PLEKHA6: variants seen among roughly 807,000 people sequenced by gnomAD.
The protein encoded by PLEKHA6 is pleckstrin homology domain containing A6, also known as pleckstrin homology domain-containing family A member 6.
PLEKHA6 carries 60 observed loss-of-function variants against 116.7 expected under a neutral mutation model. That is an observed-to-expected ratio of 0.51 (90% CI 0.42 to 0.64). PLEKHA6 has a LOEUF of 0.64. PLEKHA6 is among the 30% of genes least tolerant of loss of function. The probability of loss-of-function intolerance (pLI) is 0.00; values close to 1 mark genes in which losing one functional copy is unlikely to be tolerated. For synonymous variants in PLEKHA6, 489 were observed against 556.1 expected, an observed-to-expected ratio of 0.88 and a Z score of 1.70; for missense variants, 1,338 against 1,422.7, an observed-to-expected ratio of 0.94 and a Z score of 0.96.
intron 1 of PLEKHA6, among the ~76,000 whole-genome samples, chr1:204,328,465 C>T (rs575689759): frequency 5.9e-5 from 9 of 151,716 alleles, no homozygotes; most frequent in African/African-American, 1.9e-4. Context: ...GGCACCATCT[C>T]GGCTCACTGC....
chr1:204,322,491 C>G (rs1346818423), intron 1 of PLEKHA6, among the ~76,000 whole-genome samples: 1 of 152,204 alleles, frequency 6.6e-6, no homozygotes, highest in African/African-American at 2.4e-5. Flanking sequence ...TGGGGTCGCA[C>G]AGCAGGCTGC....
chr1:204,234,980 A>C (rs1558031092), intron 17 of PLEKHA6, among the ~76,000 whole-genome samples: 1 of 33,910 alleles, frequency 2.9e-5, no homozygotes, highest in African/African-American at 5.7e-5. Context: ...ATATATATAT[A>C]TATATATATA....
At chr1:204,308,545 G>A (rs1671492605) in intron 1 of PLEKHA6, among the ~76,000 whole-genome samples, 5 of 152,056 alleles carry the variant, frequency 3.3e-5, no homozygotes, top group Admixed American at 3.3e-4. Context: ...TCTGTAAAAT[G>A]AGGCTAAGGA....
upstream of PLEKHA6, among the ~76,000 whole-genome samples, chr1:204,361,305 A>G (rs1000312702): frequency 2.0e-5 from 3 of 152,168 alleles, no homozygotes; most frequent in Admixed American, 6.5e-5. Context: ...ATTTTTACCA[A>G]CTGAAGCCCT....
chr1:204,236,930 A>C (rs2102507300), intron 17 of PLEKHA6, among the ~76,000 whole-genome samples: 1 of 152,350 alleles, frequency 6.6e-6, no homozygotes, highest in South Asian at 2.1e-4. Context: ...GAAGGACCCC[A>C]CTATATTACC....
chr1:204,299,631 T>C, intron 1 of PLEKHA6: 1 of 985,304 alleles, frequency 1.0e-6, no homozygotes. Context: ...TCTCCTGCAC[T>C]TTCCAAAGCA....
In PLEKHA6 at chr1:204,251,008, G is replaced by A. The variant is rs143508332; in HGVS notation, c.1525-394C>T. On this transcript the variant is annotated intron_variant, in intron 9 of 22. Transcript: ENST00000272203. ...GGGGTTAAGACATAGGGGAATGGTCGGAATGAGCATTGGGAACAGTTGAAA... is the reference window on the plus strand; with the variant it reads ...GGGGTTAAGACATAGGGGAATGGTCAGAATGAGCATTGGGAACAGTTGAAA... 2.3e-3 allele frequency among the ~76,000 whole-genome samples: 353 copies of A among 152,306 alleles called. 1 individual carries two copies. The highest frequency in any genetic ancestry group is 4.1e-3 in the Non-Finnish European group (276 of 68,034).
At chr1:204,240,061 C>T (rs1021425438) in intron 17 of PLEKHA6, among the ~76,000 whole-genome samples, 8 of 152,190 alleles carry the variant, frequency 5.3e-5, no homozygotes, top group Non-Finnish European at 1.0e-4. Context: ...TTTAAATCAA[C>T]AGGCTAAGAA....
intron 12 of PLEKHA6, among the ~76,000 whole-genome samples, chr1:204,248,482 T>G (rs1259008142): frequency 6.6e-6 from 1 of 152,152 alleles, no homozygotes; most frequent in Non-Finnish European, 1.5e-5. Context: ...AGTGCTTTGC[T>G]TCTCCGAGGG....
intron 1 of PLEKHA6, among the ~76,000 whole-genome samples, chr1:204,352,564 TG>T (rs1328370425): frequency 1.3e-5 from 2 of 152,186 alleles, no homozygotes; most frequent in African/African-American, 4.8e-5. Context: ...GTTTCTGCCT[TG>T]GGGAACCTCC....
chr1:204,230,567 A>G lies in PLEKHA6; in HGVS notation c.2429T>C (p.Val810Ala). 6.2e-7 allele frequency: 1 copy of G among 1,605,042 alleles called. No individual in the cohort carries two copies. Among genetic ancestry groups the G allele is most frequent in the Non-Finnish European group, 8.5e-7 (1 of 1,176,216 alleles). The change falls in exon 18 of 23, where the codon GTG becomes GCG. Residue 810 changes from valine (V) to alanine (A), a missense_variant. Physicochemically the swap from Val to Ala is moderately conservative, Grantham distance 64. This residue lies in a region of PLEKHA6 where 1,136 missense variants were observed against 1,163.6 expected (regional missense o/e 0.98). Coordinates refer to ENST00000272203, the MANE Select transcript of PLEKHA6 (RefSeq NM_014935.5). ...LSSQERPKSA[V>A]FPGEGKVKMS... ...CTTGACCTTCCCCTCGCCAGGAAAC[A>G]CAGCACTCTTGGGGCGTTCCTGCTG... is the stretch of plus-strand genomic sequence containing the variant.
intron 1 of PLEKHA6, among the ~76,000 whole-genome samples, chr1:204,324,123 A>G (rs1299004531): frequency 1.3e-5 from 2 of 152,110 alleles, no homozygotes; most frequent in African/African-American, 2.4e-5. Flanking sequence ...AAGTGCAGTA[A>G]AAGTCCAGCC....
chr1:204,313,798 T>C, intron 1 of PLEKHA6: 1 of 710,448 alleles, frequency 1.4e-6, no homozygotes, highest in African/African-American at 1.9e-5. Context: ...CAGCAGCAAA[T>C]GCAGAAACCT....
chr1:204,237,443 G>GT (rs1223534208), intron 17 of PLEKHA6, among the ~76,000 whole-genome samples: 4 of 152,198 alleles, frequency 2.6e-5, no homozygotes, highest in African/African-American at 9.6e-5. Context: ...AGATGCAGGG[G>GT]TGATGATTCC....
chr1:204,300,161 T>A (rs1670674766), intron 1 of PLEKHA6, among the ~76,000 whole-genome samples: 1 of 152,156 alleles, frequency 6.6e-6, no homozygotes, highest in Non-Finnish European at 1.5e-5. Context: ...GAATTAGTGC[T>A]TCCTTTGACT....
rs931485745 is a variant in PLEKHA6, at chr1:204,287,561, G to A, written c.-94-12752C>T. 2.0e-5 allele frequency among the ~76,000 whole-genome samples: 3 copies of A among 151,994 alleles called. No homozygotes were observed. The South Asian group carries it at 6.2e-4, about 32-fold the overall frequency. On this transcript the variant is annotated intron_variant, in intron 1 of 22. Coordinates refer to ENST00000272203, the MANE Select transcript of PLEKHA6 (RefSeq NM_014935.5). ...TCTTAATGAGTGAAGAGTTCTCCCC[G>A]CAACTCTCTGCACCCACCCCCGCCA...
intron 1 of PLEKHA6, among the ~76,000 whole-genome samples, chr1:204,315,044 A>G (rs1671801684): frequency 6.6e-6 from 1 of 152,178 alleles, no homozygotes; most frequent in East Asian, 1.9e-4. Flanking sequence ...GAAATGGGAG[A>G]ATGACAGCCC....
chr1:204,273,592 C>T (rs1469347275), intron 3 of PLEKHA6, 34 bp downstream of exon 3: 1 of 1,433,126 alleles, frequency 7.0e-7, no homozygotes, highest in Non-Finnish European at 9.9e-7. Flanking sequence ...AAGACGTTTC[C>T]AGCCCAACAG....
chr1:204,371,786 A>C (rs559222213), intron 1 of PLEKHA6, among the ~76,000 whole-genome samples: 1 of 152,378 alleles, frequency 6.6e-6, no homozygotes, highest in South Asian at 2.1e-4. Context: ...CACTCTGAGG[A>C]TTTCAGGATG....
Sources: gnomAD v4.1 joint callset for allele counts (sites outside exome capture counted in the v4.1 genomes callset) on GRCh38, gnomAD v4.1.1 for gene constraint, gnomAD v4.1.1 regional missense constraint, MANE v1.5 for transcripts, NCBI Gene and HGNC (gene_info 2026-07-23, HGNC 2026-07-21) for gene names.